Variants in GSTM5 observed in about 807,000 individuals in gnomAD.
GSTM5 encodes GST class-mu 5.
Under a neutral mutation model 29.0 loss-of-function variants are expected in GSTM5, and 24 were observed. The ratio of observed to expected loss-of-function variants is 0.83; its 90% CI spans 0.60 to 1.16. The LOEUF (loss-of-function observed/expected upper bound fraction) is 1.16, where lower values mean the gene tolerates loss of function less well. Among genes scored for constraint, GSTM5 ranks in the 50% most tolerant of loss-of-function variants. GSTM5 has a pLI of 0.00. For missense variants in GSTM5, 290 were observed against 263.0 expected (o/e 1.10, Z -0.71); for synonymous variants, 91 against 93.6 (o/e 0.97, Z 0.16).
chr1:109,714,781 A>G (rs1648685053), intron 5 of GSTM5, 166 bp from the exon 6 acceptor site: 2 of 681,702 alleles, frequency 2.9e-6, no homozygotes, highest in Non-Finnish European at 5.3e-6. Context: ...TCAGAGTCTA[A>G]TAAATGCTGA....
chr1:109,715,332 A>T (rs1264897959), intron 7 of GSTM5, 92 bp downstream of exon 7: 1 of 1,612,540 alleles, frequency 6.2e-7, no homozygotes, highest in Admixed American at 1.7e-5. Flanking sequence ...ACAAAGAATA[A>T]CTCGTATGTA....
chr1:109,712,158 G>C (rs1191967633), upstream of GSTM5: 5 of 802,748 alleles, frequency 6.2e-6, no homozygotes, highest in African/African-American at 5.2e-5. Flanking sequence ...AGCCCCGGGC[G>C]CTCGCTCGGG....
chr1:109,712,625 AC>A lies in GSTM5; in HGVS notation c.45del (p.His15GlnfsTer33). On this transcript the variant is annotated frameshift_variant, in exon 2 of 8. Coordinates refer to ENST00000256593, the MANE Select transcript of GSTM5 (RefSeq NM_000851.4). LOFTEE classifies it high-confidence loss of function. ...GCGGGCCATCTCTCCCAGCTGGCCC[AC>A]GCCATCCGCTTGCTCCTGGAATACA... is the stretch of plus-strand genomic sequence containing the variant. ...LGYWDIRGLA[H>X]AIRLLLEYTD... 6.2e-7 allele frequency: 1 copy of A among 1,613,856 alleles called. No individual in the cohort carries two copies. Among genetic ancestry groups the A allele is most frequent in the Non-Finnish European group, 8.5e-7 (1 of 1,179,976 alleles).
At chr1:109,712,192 G>A (rs530235020), upstream of GSTM5, 217 of 1,063,788 alleles carry the variant, frequency 2.0e-4, 2 homozygotes, top group South Asian at 2.7e-3. Context: ...GCGTGTTTCG[G>A]GGTTGTGGCG....
chr1:109,715,669 A>T lies in GSTM5; in HGVS notation c.567+429A>T, dbSNP rs1184323489. The T allele has an allele frequency of 9.1e-6, 5 of 548,468 alleles. No homozygotes were observed. The Admixed American group carries it at 1.3e-4, about 15-fold the overall frequency. 34.0% of individuals were successfully genotyped at this position (548,468 alleles called of 1,614,324 possible). Reference sequence around the variant, plus strand: ...CAGAGCACTTCAGGACCACGGATGCAGCTGGCAATAGTAGGACTGACACAC... The same window carrying T: ...CAGAGCACTTCAGGACCACGGATGCTGCTGGCAATAGTAGGACTGACACAC... On this transcript the variant is annotated intron_variant, in intron 7 of 7. Transcript: ENST00000256593.
At chr1:109,712,398 T>G in intron 1 of GSTM5, 50 bp downstream of exon 1, 1 of 1,593,468 alleles carries the variant, frequency 6.3e-7, no homozygotes, top group Non-Finnish European at 8.6e-7. Flanking sequence ...GGCGGGGATG[T>G]GTGGAGTAGC....
intron 2 of GSTM5, 187 bp from the exon 3 acceptor site, chr1:109,712,932 C>A (rs1648610604): frequency 1.1e-6 from 1 of 877,434 alleles, no homozygotes; most frequent in Non-Finnish European, 1.8e-6. Context: ...ACCCTGGAAG[C>A]CTTAGCCGTT....
chr1:109,711,763 G>A (rs1379728417), upstream of GSTM5, among the ~76,000 whole-genome samples: 1 of 151,536 alleles, frequency 6.6e-6, no homozygotes, highest in Non-Finnish European at 1.5e-5. Flanking sequence ...CTAAGCCCTC[G>A]GAGTAGCTTT....
At chr1:109,712,249 G>A (rs1183211048), upstream of GSTM5, 19 of 1,570,352 alleles carry the variant, frequency 1.2e-5, no homozygotes, top group African/African-American at 2.7e-5. Flanking sequence ...CCCCTCCTGG[G>A]CCTCTCAAAG....
chr1:109,717,155 T>C, intron 7 of GSTM5, 182 bp from the exon 8 acceptor site: 1 of 542,866 alleles, frequency 1.8e-6, no homozygotes, highest in Non-Finnish European at 3.4e-6. Flanking sequence ...TAACATTACT[T>C]AAAGGAAGTT....
At chr1:109,712,384 C>T in intron 1 of GSTM5, 36 bp downstream of exon 1, 1 of 1,538,530 alleles carries the variant, frequency 6.5e-7, no homozygotes, top group Non-Finnish European at 8.9e-7. Context: ...GGACAGGGGG[C>T]GGAGGCGGGG....
intron 2 of GSTM5, 68 bp from the exon 3 acceptor site, chr1:109,713,051 T>G (rs1252498957): frequency 2.6e-5 from 41 of 1,598,728 alleles, no homozygotes; most frequent in African/African-American, 4.0e-5. Flanking sequence ...CACTGGCTCC[T>G]TGGGAGGGTC....
At chr1:109,713,847 C>T in intron 5 of GSTM5, 86 bp downstream of exon 5, 2 of 1,075,752 alleles carry the variant, frequency 1.9e-6, no homozygotes, top group South Asian at 1.3e-5. Flanking sequence ...AGGTCTGTAG[C>T]AGACTCCGGC....
chr1:109,714,646 G>C, intron 5 of GSTM5: 1 of 443,852 alleles, frequency 2.3e-6, no homozygotes, highest in South Asian at 2.9e-5. Flanking sequence ...CCCCTGTCTG[G>C]ATCCAGAGGC....
chr1:109,714,589 C>T (rs1208437945), intron 5 of GSTM5: 1 of 282,836 alleles, frequency 3.5e-6, no homozygotes, highest in African/African-American at 2.2e-5. Context: ...AAGGAACTTT[C>T]TACTTCTTTC....
At chr1:109,717,105 C>T in intron 7 of GSTM5, 1 of 419,094 alleles carries the variant, frequency 2.4e-6, no homozygotes, top group Non-Finnish European at 4.4e-6. Flanking sequence ...GCACCCAGCA[C>T]AGTGTAGATC....
intron 2 of GSTM5, 118 bp downstream of exon 2, chr1:109,712,811 C>T (rs1311522491): frequency 1.9e-5 from 23 of 1,212,906 alleles, no homozygotes; most frequent in African/African-American, 4.5e-5. Context: ...GCAGGCTGTC[C>T]CTTCCCTGAG....
rs1263090576 is a variant in GSTM5, at chr1:109,717,857, A to C, written c.*431A>C. Reference sequence around the variant, plus strand: ...AACCATGCCTGCCATGTCTTGTCTTATTCCCTGAGGCTCCCTTGACTCAGG... The same window carrying C: ...AACCATGCCTGCCATGTCTTGTCTTCTTCCCTGAGGCTCCCTTGACTCAGG... On this transcript the variant is annotated 3_prime_UTR_variant, in exon 8 of 8. Transcript: ENST00000256593. 6.0e-6 allele frequency: 1 copy of C among 165,886 alleles called. No individual in the cohort carries two copies. Among genetic ancestry groups the C allele is most frequent in the Non-Finnish European group, 1.3e-5 (1 of 76,472 alleles). The allele number at this position is 165,886 out of a possible 1,614,324, so 10.3% of individuals were successfully genotyped here.
intron 5 of GSTM5, chr1:109,714,721 T>A: frequency 1.7e-6 from 1 of 592,296 alleles, no homozygotes; most frequent in Middle Eastern, 4.6e-4. Context: ...GAGGACAGAT[T>A]CAGGAAGAGC....
Sources: gnomAD v4.1 joint callset for allele counts (sites outside exome capture counted in the v4.1 genomes callset) on GRCh38, gnomAD v4.1.1 for gene constraint, MANE v1.5 for transcripts, NCBI Gene and HGNC (gene_info 2026-07-23, HGNC 2026-07-21) for gene names.